The following CSMD1 variants were observed in gnomAD, a reference collection of about 807,000 sequenced individuals.
CSMD1 encodes the protein CUB and sushi domain-containing protein 1.
Under a neutral mutation model 417.5 loss-of-function variants are expected in CSMD1, and 213 were observed. The ratio of observed to expected loss-of-function variants is 0.51; its 90% CI spans 0.46 to 0.57. The LOEUF is 0.57. Ranked by LOEUF, CSMD1 falls within the 20% of genes least tolerant of loss-of-function variation. CSMD1 has a pLI of 0.00. For missense variants in CSMD1, 6,923 were observed against 4,529.7 expected (o/e 1.53, Z -15.17); for synonymous variants, 2,862 against 1,736.8 (o/e 1.65, Z -16.11).
chr8:3,130,924 C>T lies in CSMD1; in HGVS notation c.6241+11541G>A, dbSNP rs149195591. ...TGCAACAAGTGTTTCTGTAACAGTC[C>T]ATATCTACATTGTACCAGATTAGGC... On this transcript the variant is annotated intron_variant, in intron 41 of 69. Transcript: ENST00000635120. Among the ~76,000 whole-genome samples, 1,345 of 152,256 alleles carry T rather than the reference C, an allele frequency of 8.8e-3. 20 individuals are homozygous for T. The highest frequency in any genetic ancestry group is 0.031 in the African/African-American group (1,299 of 41,544).
chr8:4,943,120 T>G (rs1356117461), intron 1 of CSMD1, among the ~76,000 whole-genome samples: 1 of 152,170 alleles, frequency 6.6e-6, no homozygotes, highest in Non-Finnish European at 1.5e-5. Flanking sequence ...TTTGAAGGAA[T>G]TAGTGGAGGA....
At chr8:4,178,029 G>A (rs1390965955) in intron 3 of CSMD1, among the ~76,000 whole-genome samples, 1 of 152,150 alleles carries the variant, frequency 6.6e-6, no homozygotes, top group Non-Finnish European at 1.5e-5. Context: ...CATTCCTTCT[G>A]AAACTATTCC....
intron 8 of CSMD1, among the ~76,000 whole-genome samples, chr8:3,614,526 T>G (rs1471329470): frequency 1.3e-5 from 2 of 152,230 alleles, no homozygotes. Context: ...GGCCTGAATA[T>G]TCACAACTTC....
At position 3,556,392 on chromosome 8, in the gene CSMD1, A is replaced by ATATATATATATATATATATATATAT. The variant is rs1554468279; in HGVS notation, c.1344+18552_1344+18553insATATATATATATATATATATATATA. On this transcript the variant is annotated intron_variant, in intron 10 of 69. Coordinates refer to ENST00000635120, the MANE Select transcript of CSMD1 (RefSeq NM_033225.6). ...AAGATTTTTAAAATTTATAATAATT[A>ATATATATATATATATATATATATAT]ATATATATATATATATATATATTCA... Among the ~76,000 whole-genome samples the ATATATATATATATATATATATATAT allele has an allele frequency of 5.5e-3, 659 of 120,320 alleles. 32 individuals are homozygous for ATATATATATATATATATATATATAT. Among genetic ancestry groups the ATATATATATATATATATATATATAT allele is most frequent in the South Asian group, 9.2e-3 (34 of 3,684 alleles). 78.9% of individuals were successfully genotyped at this position (120,320 alleles called of 152,430 possible).
intron 48 of CSMD1, among the ~76,000 whole-genome samples, chr8:3,089,914 G>C (rs768878017): frequency 5.3e-5 from 8 of 152,120 alleles, no homozygotes; most frequent in Non-Finnish European, 8.8e-5. Context: ...CATATCACCA[G>C]GCTACTAAGA....
At chr8:3,534,518 C>G (rs79462174) in intron 10 of CSMD1, among the ~76,000 whole-genome samples, 1 of 86,558 alleles carries the variant, frequency 1.2e-5, no homozygotes, top group Non-Finnish European at 2.7e-5. Flanking sequence ...TTCTCAATTA[C>G]AAAAAAAAAA....
intron 3 of CSMD1, among the ~76,000 whole-genome samples, chr8:4,414,349 G>A (rs1159786040): frequency 1.3e-5 from 2 of 152,132 alleles, no homozygotes; most frequent in African/African-American, 2.4e-5. Flanking sequence ...CTCTCTAGCA[G>A]CCCAGATTCA....
At chr8:3,102,814 G>A (rs957201761) in intron 46 of CSMD1, among the ~76,000 whole-genome samples, 1 of 152,210 alleles carries the variant, frequency 6.6e-6, no homozygotes, top group Non-Finnish European at 1.5e-5. Context: ...ACAAAGCCTG[G>A]AAGGTAACAA....
At chr8:4,087,008 G>A (rs931331201) in intron 3 of CSMD1, among the ~76,000 whole-genome samples, 1 of 152,200 alleles carries the variant, frequency 6.6e-6, no homozygotes, top group Non-Finnish European at 1.5e-5. Context: ...TGGGGATAAC[G>A]CTATGTACAT....
At chr8:3,221,609 C>G (rs1404672235) in intron 28 of CSMD1, among the ~76,000 whole-genome samples, 2 of 151,830 alleles carry the variant, frequency 1.3e-5, no homozygotes, top group African/African-American at 4.8e-5. Context: ...TACCAAAATT[C>G]ATGCGTAGAA....
At chr8:3,288,515 G>C (rs1211911191) in intron 25 of CSMD1, among the ~76,000 whole-genome samples, 2 of 146,878 alleles carry the variant, frequency 1.4e-5, no homozygotes, top group Admixed American at 6.7e-5. Flanking sequence ...ACTTCTTCCT[G>C]GTTTAGTCTT....
chr8:3,627,452 A>T (rs1230638227), intron 7 of CSMD1, among the ~76,000 whole-genome samples: 2 of 152,188 alleles, frequency 1.3e-5, no homozygotes, highest in Non-Finnish European at 1.5e-5. Flanking sequence ...CACTGAGAAG[A>T]CTATGTAGGT....
intron 64 of CSMD1, 25 bp from the exon 65 acceptor site, chr8:2,954,293 AT>A (rs753607807): frequency 1.2e-5 from 16 of 1,319,404 alleles, no homozygotes; most frequent in Admixed American, 7.9e-5. Flanking sequence ...ACAAATTATC[AT>A]TTTAAAAAAA....
chr8:3,896,344 G>A (rs543408022), intron 5 of CSMD1, among the ~76,000 whole-genome samples: 1 of 152,250 alleles, frequency 6.6e-6, no homozygotes, highest in East Asian at 1.9e-4. Flanking sequence ...TCACTTTGCT[G>A]AATTAGCAAA....
chr8:3,698,948 G>A (rs552530736), intron 7 of CSMD1, among the ~76,000 whole-genome samples: 5 of 152,170 alleles, frequency 3.3e-5, no homozygotes, highest in African/African-American at 9.6e-5. Context: ...TGTGTTCTAA[G>A]TCAGGCATCC....
chr8:4,501,385 C>A (rs997248893), intron 2 of CSMD1, among the ~76,000 whole-genome samples: 1 of 152,068 alleles, frequency 6.6e-6, no homozygotes, highest in Non-Finnish European at 1.5e-5. Flanking sequence ...ATCATTTAAA[C>A]AACTATTTTA....
At chr8:3,724,292 C>T (rs1322722873) in intron 6 of CSMD1, among the ~76,000 whole-genome samples, 2 of 151,978 alleles carry the variant, frequency 1.3e-5, no homozygotes, top group Non-Finnish European at 2.9e-5. Context: ...TGGTGTGCCG[C>T]ACCCACTAAC....
At chr8:3,462,132 C>A (rs987343332) in intron 12 of CSMD1, among the ~76,000 whole-genome samples, 5 of 151,898 alleles carry the variant, frequency 3.3e-5, no homozygotes, top group East Asian at 3.9e-4. Context: ...GCCCCCCCCC[C>A]CACCTCCCAG....
chr8:3,785,361 T>C (rs1799401764), intron 5 of CSMD1, among the ~76,000 whole-genome samples: 1 of 152,076 alleles, frequency 6.6e-6, no homozygotes, highest in African/African-American at 2.4e-5. Flanking sequence ...AGTGGAACCA[T>C]TTCTTTTTTC....
Sources: gnomAD v4.1 joint callset for allele counts (sites outside exome capture counted in the v4.1 genomes callset) on GRCh38, gnomAD v4.1.1 for gene constraint, MANE v1.5 for transcripts, NCBI Gene and HGNC (gene_info 2026-07-23, HGNC 2026-07-21) for gene names.